C11orf71: variants seen among roughly 807,000 people sequenced by gnomAD.
C11orf71 encodes uncharacterized protein C11orf71.
For missense variants in C11orf71, 179 were observed against 167.6 expected, an observed-to-expected ratio of 1.07 and a Z score of -0.38; for synonymous variants, 72 against 73.4, an observed-to-expected ratio of 0.98 and a Z score of 0.09.
At position 114,399,940 on chromosome 11, in the gene C11orf71, G is replaced by C. The variant is rs760781705; in HGVS notation, c.*20C>G. On this transcript the variant is annotated 3_prime_UTR_variant, in exon 1 of 1. Transcript: ENST00000623205. Reference sequence around the variant, plus strand: ...AGGCCTGTTCACAAGCTAAGTGAGGGCCAGAGGAAAGGTGTTCGTTTAAAC... The same window carrying C: ...AGGCCTGTTCACAAGCTAAGTGAGGCCCAGAGGAAAGGTGTTCGTTTAAAC... 2 of 1,573,974 alleles carry C rather than the reference G, an allele frequency of 1.3e-6. No individual in the cohort carries two copies. Among genetic ancestry groups the C allele is most frequent in the Non-Finnish European group, 1.7e-6 (2 of 1,155,070 alleles).
chr11:114,394,174 G>GTTTCTTTTCTTTTCTTTTTTCTTTTCT (rs1187890536), downstream of C11orf71, among the ~76,000 whole-genome samples: 1 of 77,520 alleles, frequency 1.3e-5, no homozygotes, highest in African/African-American at 5.5e-5. Context: ...TAGAGACGGG[G>GTTTCTTTTCTTTTCTTTTTTCTTTTCT]TTTCGTTTCT....
downstream of C11orf71, among the ~76,000 whole-genome samples, chr11:114,393,692 C>T (rs1156421925): frequency 2.6e-5 from 4 of 152,076 alleles, no homozygotes; most frequent in East Asian, 1.9e-4. Context: ...GAAATGGTAT[C>T]CCTCCAAAAA....
intron 1 of C11orf71, among the ~76,000 whole-genome samples, chr11:114,393,332 T>C (rs1327216880): frequency 2.0e-5 from 3 of 152,228 alleles, no homozygotes; most frequent in Non-Finnish European, 4.4e-5. Context: ...CTTTTAGACC[T>C]GGACATAAGT....
Position 114,398,590 on chromosome 11 carries a change from G to A in C11orf71, c.*1370C>T, listed in dbSNP as rs1946145649. On this transcript the variant is annotated 3_prime_UTR_variant, in exon 1 of 1. Coordinates refer to ENST00000623205, the MANE Select transcript of C11orf71 (RefSeq NM_001271562.2). ...TACCGCAGGCAGTAGCAGGTACAGA[G>A]TAAGTTCTCAATAAATATCTCTATA... is the stretch of plus-strand genomic sequence containing the variant. 1.3e-5 allele frequency: 2 copies of A among 152,288 alleles called. No individual in the cohort carries two copies. Among genetic ancestry groups the A allele is most frequent in the South Asian group, 4.1e-4 (2 of 4,824 alleles). The allele number at this position is 152,288 out of a possible 1,614,324, so 9.4% of individuals were successfully genotyped here.
intron 1 of C11orf71, among the ~76,000 whole-genome samples, chr11:114,391,827 ATATAT>A (rs768989327): frequency 2.2e-4 from 34 of 152,212 alleles, no homozygotes; most frequent in African/African-American, 3.1e-4. Flanking sequence ...GTGCAATATA[ATATAT>A]TATGTTGTTT....
At chr11:114,392,719 T>A (rs1438224912) in intron 1 of C11orf71, among the ~76,000 whole-genome samples, 1 of 128,456 alleles carries the variant, frequency 7.8e-6, no homozygotes. Flanking sequence ...AGCAATAGAG[T>A]AAGATCCTGT....
downstream of C11orf71, among the ~76,000 whole-genome samples, chr11:114,394,236 T>C (rs1287984530): frequency 2.3e-4 from 12 of 52,602 alleles, 2 homozygotes; most frequent in African/African-American, 1.7e-3. Flanking sequence ...TTCTTTCTTT[T>C]CTTTTCTTTT....
chr11:114,395,274 T>C (rs1946122617), downstream of C11orf71, among the ~76,000 whole-genome samples: 1 of 152,212 alleles, frequency 6.6e-6, no homozygotes, highest in Non-Finnish European at 1.5e-5. Flanking sequence ...CATTTTTTGC[T>C]TAACCTGGTT....
chr11:114,394,294 T>TTCTCTTCTCTTCTC (rs1946112528), downstream of C11orf71, among the ~76,000 whole-genome samples: 23 of 41,762 alleles, frequency 5.5e-4, 4 homozygotes, highest in African/African-American at 3.1e-3. Flanking sequence ...TTTCTCTTAT[T>TTCTCTTCTCTTCTC]TTCTTTTCTT....
chr11:114,394,188 CT>C (rs774640964), downstream of C11orf71, among the ~76,000 whole-genome samples: 4,600 of 46,496 alleles, frequency 0.099, 306 homozygotes, highest in East Asian at 0.2. Flanking sequence ...CGTTTCTTTT[CT>C]TTTCTTTTCT....
At chr11:114,394,253 T>TCTTCTTTTC (rs1946106138), downstream of C11orf71, among the ~76,000 whole-genome samples, 1 of 66,678 alleles carries the variant, frequency 1.5e-5, no homozygotes, top group African/African-American at 1.0e-4. Flanking sequence ...TTTTCTTTTC[T>TCTTCTTTTC]TTTCTTTTCT....
chr11:114,396,016 G>T (rs1946128666), downstream of C11orf71, among the ~76,000 whole-genome samples: 1 of 152,124 alleles, frequency 6.6e-6, no homozygotes, highest in African/African-American at 2.4e-5. Flanking sequence ...TCCCACCTTA[G>T]CCTACAGCCT....
chr11:114,394,254 T>C (rs866281628), downstream of C11orf71, among the ~76,000 whole-genome samples: 20 of 66,654 alleles, frequency 3.0e-4, no homozygotes, highest in African/African-American at 1.9e-3. Context: ...TTTCTTTTCT[T>C]TTCTTTTCTT....
chr11:114,398,465 T>C (rs900008260), downstream of C11orf71: 14 of 152,164 alleles, frequency 9.2e-5, no homozygotes, highest in African/African-American at 2.9e-4. Flanking sequence ...AAAATGAAAG[T>C]AGAGTACCCC....
chr11:114,400,197 C>T lies in C11orf71; in HGVS notation c.135G>A (p.Arg45=), dbSNP rs886493884. Residue 45 remains arginine, a synonymous_variant, in exon 1 of 1, where the codon AGG becomes AGA. Transcript: ENST00000623205. ...GAGGTCCTAGATGAATCGCTTCAGG[C>T]CTGGAAACGAGGAAGCCGTCTCCGG... ...MVSGDGFLVS[R]PEAIHLGPRQ... 1 of 1,613,492 alleles carries T rather than the reference C, an allele frequency of 6.2e-7. No homozygotes were observed. Among genetic ancestry groups the T allele is most frequent in the South Asian group, 1.1e-5 (1 of 91,048 alleles).
At chr11:114,394,264 T>TTCTTTTCTTTTCTTTCTTTTCTTTTCTC, downstream of C11orf71, among the ~76,000 whole-genome samples, 1 of 59,732 alleles carries the variant, frequency 1.7e-5, no homozygotes, top group African/African-American at 9.9e-5. Context: ...TTTCTTTTCT[T>TTCTTTTCTTTTCTTTCTTTTCTTTTCTC]TTCTTTTCTT....
downstream of C11orf71, among the ~76,000 whole-genome samples, chr11:114,396,027 G>T (rs1207939077): frequency 6.6e-6 from 1 of 152,136 alleles, no homozygotes; most frequent in Non-Finnish European, 1.5e-5. Context: ...CCTACAGCCT[G>T]GTACTACAGG....
downstream of C11orf71, among the ~76,000 whole-genome samples, chr11:114,397,312 TTAA>T (rs1946136934): frequency 6.6e-6 from 1 of 152,218 alleles, no homozygotes; most frequent in African/African-American, 2.4e-5. Context: ...ATATGGATGT[TTAA>T]TAATATGGTC....
chr11:114,397,661 C>T (rs1946139333), downstream of C11orf71, among the ~76,000 whole-genome samples: 1 of 152,236 alleles, frequency 6.6e-6, no homozygotes, highest in South Asian at 2.1e-4. Context: ...TTGGTCCTCC[C>T]TTGCTCTTGA....
Sources: gnomAD v4.1 joint callset for allele counts (sites outside exome capture counted in the v4.1 genomes callset) on GRCh38, gnomAD v4.1.1 for gene constraint, MANE v1.5 for transcripts, NCBI Gene and HGNC (gene_info 2026-07-23, HGNC 2026-07-21) for gene names.